Variants in ETHE1 observed in about 807,000 individuals in gnomAD.
ETHE1 encodes persulfide dioxygenase ETHE1, mitochondrial.
In ETHE1, 16 loss-of-function variants were observed where a neutral mutation model predicts 25.7. That is an observed-to-expected ratio of 0.62 (90% CI 0.42 to 0.95). The LOEUF (loss-of-function observed/expected upper bound fraction) is 0.95, where lower values mean the gene tolerates loss of function less well. Ranked by LOEUF, ETHE1 falls within the 40% of genes least tolerant of loss-of-function variation. The pLI, the probability that ETHE1 is intolerant of heterozygous loss-of-function variation, is 0.00. For missense variants in ETHE1, 300 were observed against 333.6 expected (o/e 0.90, Z 0.79); for synonymous variants, 139 against 135.9 (o/e 1.02, Z -0.16).
intron 1 of ETHE1, 56 bp downstream of exon 1, chr19:43,527,041 C>T (rs547508924): frequency 3.9e-6 from 6 of 1,541,918 alleles, no homozygotes; most frequent in East Asian, 4.9e-5. Context: ...CCCGGAGTTC[C>T]GTCCTTGCTG....
Position 43,511,429 on chromosome 19 carries a change from C to T in ETHE1, c.505+8G>A. On this transcript the variant is annotated splice_region_variant and intron_variant, in intron 4 of 6. Transcript: ENST00000292147. The stretch of plus-strand genomic sequence containing the variant: ...GAAGATCTTGGGCTGGATAAAGGAG[C>T]TGGTCACCTTGCTGGAAGTCTGTCC... 6.2e-7 allele frequency: 1 copy of T among 1,614,180 alleles called. No homozygotes were observed. The highest frequency in any genetic ancestry group is 8.5e-7 in the Non-Finnish European group (1 of 1,180,012).
intron 4 of ETHE1, among the ~76,000 whole-genome samples, chr19:43,510,113 C>T (rs978887329): frequency 2.0e-5 from 3 of 152,056 alleles, no homozygotes; most frequent in Non-Finnish European, 4.4e-5. Flanking sequence ...CCCTCTCATC[C>T]AGCCTCACCT....
intron 3 of ETHE1, among the ~76,000 whole-genome samples, chr19:43,523,933 CA>C (rs1360462084): frequency 4.6e-5 from 7 of 150,848 alleles, no homozygotes; most frequent in African/African-American, 1.7e-4. Context: ...AAGACTGTCT[CA>C]AAAAAATAAA....
chr19:43,518,999 G>GTTTTTTTTTTTTTTTTTTTTTTTTTTTT (rs71169253), intron 3 of ETHE1, among the ~76,000 whole-genome samples: 2 of 91,014 alleles, frequency 2.2e-5, no homozygotes, highest in Non-Finnish European at 4.3e-5. Flanking sequence ...ATTTGTGCTT[G>GTTTTTTTTTTTTTTTTTTTTTTTTTTTT]TTTTTTTTTT....
chr19:43,508,211 G>C, intron 5 of ETHE1, 151 bp from the exon 6 acceptor site: 1 of 1,304,502 alleles, frequency 7.7e-7, no homozygotes, highest in Admixed American at 2.3e-5. Context: ...TGGACACTAT[G>C]GGAAATTTAG....
chr19:43,522,758 G>A (rs1972161370), intron 3 of ETHE1, among the ~76,000 whole-genome samples: 1 of 152,200 alleles, frequency 6.6e-6, no homozygotes, highest in Non-Finnish European at 1.5e-5. Context: ...TGGGATTACA[G>A]GCATGAGCCT....
chr19:43,518,995 G>GGTTTTTTTTTTTTTTTTTTT (rs1568497876), intron 3 of ETHE1, among the ~76,000 whole-genome samples: 1 of 106,950 alleles, frequency 9.4e-6, no homozygotes, highest in African/African-American at 3.7e-5. Context: ...TGAAATTTGT[G>GGTTTTTTTTTTTTTTTTTTT]CTTGTTTTTT....
At chr19:43,518,751 CAAAAAA>C (rs34214132) in intron 3 of ETHE1, among the ~76,000 whole-genome samples, 1 of 77,610 alleles carries the variant, frequency 1.3e-5, no homozygotes, top group Non-Finnish European at 2.4e-5. Flanking sequence ...ACTCTTGTCT[CAAAAAA>C]AAAAAAAAAA....
chr19:43,518,208 G>A (rs1972061930), intron 3 of ETHE1, among the ~76,000 whole-genome samples: 1 of 151,762 alleles, frequency 6.6e-6, no homozygotes, highest in Admixed American at 6.6e-5. Context: ...AAGCTCAATT[G>A]TATCCTGGTT....
intron 6 of ETHE1, 36 bp from the exon 7 acceptor site, chr19:43,506,938 C>G (rs146448778): frequency 7.4e-5 from 120 of 1,612,180 alleles, no homozygotes; most frequent in Middle Eastern, 1.7e-4. Context: ...ACTAAGGGGC[C>G]TAGGTAGAGT....
rs1185316452 is a variant in ETHE1, at chr19:43,507,968, T to C, written c.688A>G (p.Asn230Asp). The change falls in exon 6 of 7, where the codon AAC becomes GAC. Residue 230 changes from asparagine (N) to aspartate (D), a missense_variant. Physicochemically the swap from Asn to Asp is conservative, Grantham distance 23 (BLOSUM62 1). Transcript: ENST00000292147. ...EEFVKIMGNL[N>D]LPKPQQIDFA... ...CCTATCTGCTGAGGTTTAGGCAAGT[T>C]CAGGTTGCCCATGATTTTGACAAAC... 1.9e-6 allele frequency: 3 copies of C among 1,613,932 alleles called. No individual in the cohort carries two copies. Among genetic ancestry groups the C allele is most frequent in the African/African-American group, 1.3e-5 (1 of 74,878 alleles).
chr19:43,519,448 G>A (rs1325924125), intron 3 of ETHE1, among the ~76,000 whole-genome samples: 1 of 152,122 alleles, frequency 6.6e-6, no homozygotes, highest in Non-Finnish European at 1.5e-5. Context: ...CTTGTCGAGT[G>A]ATTTCCGCAA....
At chr19:43,507,335 C>G in intron 6 of ETHE1, among the ~76,000 whole-genome samples, 2 of 104,944 alleles carry the variant, frequency 1.9e-5, no homozygotes, top group African/African-American at 3.6e-5. Flanking sequence ...CTCCCTCAGA[C>G]CCAGGAGCCC....
At chr19:43,512,872 C>G (rs1452261159) in intron 3 of ETHE1, among the ~76,000 whole-genome samples, 1 of 152,206 alleles carries the variant, frequency 6.6e-6, no homozygotes, top group African/African-American at 2.4e-5. Context: ...GAGGTTTTCA[C>G]AGCAGCCTCT....
intron 4 of ETHE1, among the ~76,000 whole-genome samples, chr19:43,510,073 C>T (rs1302743121): frequency 1.3e-5 from 2 of 152,112 alleles, no homozygotes; most frequent in Non-Finnish European, 2.9e-5. Context: ...ATGTGGCTTC[C>T]ACGGCCATCT....
intron 3 of ETHE1, among the ~76,000 whole-genome samples, chr19:43,521,480 G>A (rs534272786): frequency 6.6e-6 from 1 of 152,158 alleles, no homozygotes; most frequent in African/African-American, 2.4e-5. Context: ...ACACCTAGAA[G>A]GGGAACCTCT....
At chr19:43,518,999 GTTTTTTTTTTTTTTTTTTT>G (rs71169253) in intron 3 of ETHE1, among the ~76,000 whole-genome samples, 3 of 91,010 alleles carry the variant, frequency 3.3e-5, no homozygotes, top group East Asian at 4.0e-4. Flanking sequence ...ATTTGTGCTT[GTTTTTTTTTTTTTTTTTTT>G]TTTTTTTTTT....
chr19:43,513,300 G>A (rs555234594), intron 3 of ETHE1, among the ~76,000 whole-genome samples: 4 of 152,054 alleles, frequency 2.6e-5, no homozygotes, highest in African/African-American at 4.8e-5. Context: ...GAGGGCCATC[G>A]CCCTCCAGAA....
Position 43,514,076 on chromosome 19 carries a change from C to T in ETHE1, c.376-2510G>A, listed in dbSNP as rs572023660. On this transcript the variant is annotated intron_variant, in intron 3 of 6. Coordinates refer to ENST00000292147, the MANE Select transcript of ETHE1 (RefSeq NM_014297.5). ...GAGTTAATAGTGAAATGAGTTGAGACTTTGGGGGACTGTTGGGAAGGTATG... is the reference window on the plus strand; with the variant it reads ...GAGTTAATAGTGAAATGAGTTGAGATTTTGGGGGACTGTTGGGAAGGTATG... Among the ~76,000 whole-genome samples the T allele has an allele frequency of 1.9e-3, 294 of 152,016 alleles. 2 individuals carry two copies. The highest frequency in any genetic ancestry group is 1.1e-3 in the Non-Finnish European group (74 of 67,990).
Sources: allele counts gnomAD v4.1 joint callset (sites outside exome capture counted in the v4.1 genomes callset), GRCh38; gene constraint gnomAD v4.1.1; transcripts MANE v1.5; gene names NCBI Gene and HGNC (gene_info 2026-07-23, HGNC 2026-07-21).